Variants in GRIN2B observed in about 807,000 individuals in gnomAD.
GRIN2B encodes glutamate receptor ionotropic, NMDA 2B.
GRIN2B carries 5 observed loss-of-function variants against 114.5 expected under a neutral mutation model. The observed-to-expected ratio is 0.04, with a 90% CI of 0.02 to 0.09. The LOEUF (loss-of-function observed/expected upper bound fraction) is 0.09, where lower values mean the gene tolerates loss of function less well. GRIN2B is among the 10% of genes least tolerant of loss of function. GRIN2B has a pLI of 1.00. For missense variants in GRIN2B, 1,108 were observed against 1,943.5 expected (o/e 0.57, Z 8.08); for synonymous variants, 787 against 745.1 (o/e 1.06, Z -0.92).
At chr12:13,729,056 T>C (rs1484420039) in intron 4 of GRIN2B, among the ~76,000 whole-genome samples, 1 of 152,224 alleles carries the variant, frequency 6.6e-6, no homozygotes, top group Non-Finnish European at 1.5e-5. Context: ...ACTTACGGTA[T>C]TGTGTCTCCA....
intron 3 of GRIN2B, among the ~76,000 whole-genome samples, chr12:13,780,617 G>T (rs1012420166): frequency 2.6e-5 from 4 of 152,188 alleles, no homozygotes; most frequent in Non-Finnish European, 5.9e-5. Context: ...GGAATGTAAA[G>T]AATCCAGTCT....
chr12:13,866,491 G>A (rs566759864), intron 2 of GRIN2B, among the ~76,000 whole-genome samples: 1 of 152,314 alleles, frequency 6.6e-6, no homozygotes, highest in East Asian at 1.9e-4. Context: ...CAGAGACAAA[G>A]GAGGAAAAGA....
At chr12:13,806,513 G>T (rs530959132) in intron 3 of GRIN2B, among the ~76,000 whole-genome samples, 1 of 152,024 alleles carries the variant, frequency 6.6e-6, no homozygotes. Context: ...TTGGCTTTTT[G>T]TATGTCTTCC....
chr12:13,567,381 CAAG>C, intron 12 of GRIN2B, 118 bp from the exon 13 acceptor site: 2 of 700,468 alleles, frequency 2.9e-6, no homozygotes, highest in Non-Finnish European at 5.0e-6. Flanking sequence ...GAAAAAGAGA[CAAG>C]GAGACAAAAA....
chr12:13,959,025 G>A (rs1169334192), intron 2 of GRIN2B, among the ~76,000 whole-genome samples: 5 of 152,072 alleles, frequency 3.3e-5, no homozygotes, highest in Non-Finnish European at 4.4e-5. Flanking sequence ...AAATACTAAG[G>A]GATTCTTCAT....
intron 3 of GRIN2B, among the ~76,000 whole-genome samples, chr12:13,806,838 A>AT (rs572467393): frequency 9.9e-5 from 15 of 151,742 alleles, no homozygotes; most frequent in African/African-American, 3.4e-4. Context: ...TTTCCCTAGT[A>AT]TTTTTTACAG....
At chr12:13,900,640 C>G (rs1161656321) in intron 2 of GRIN2B, among the ~76,000 whole-genome samples, 1 of 152,180 alleles carries the variant, frequency 6.6e-6, no homozygotes, top group African/African-American at 2.4e-5. Context: ...AGGAAACCCC[C>G]ATTGAGTACT....
At position 13,569,969 on chromosome 12, in the gene GRIN2B, T is replaced by G. The variant is rs1378709745; in HGVS notation, c.2220A>C (p.Ala740=). ...IYDAAVLNYM[A]GRDEGCKLVT... ...CCAGCTTGCAGCCTTCATCTCTGCC[T>G]GCCATATAGTTCAGCACTGCTGCAT... The change falls in exon 12 of 14, where the codon GCA becomes GCC. Residue 740 remains alanine, a synonymous_variant. Transcript: ENST00000609686. The G allele has an allele frequency of 1.2e-6, 2 of 1,613,132 alleles. No homozygotes were observed. The highest frequency in any genetic ancestry group is 2.7e-5 in the African/African-American group (2 of 74,908).
intron 5 of GRIN2B, among the ~76,000 whole-genome samples, chr12:13,667,213 T>C (rs1284124452): frequency 1.3e-5 from 2 of 152,270 alleles, no homozygotes; most frequent in East Asian, 3.9e-4. Context: ...TTCTCTGTGA[T>C]GTAACTACCA....
intron 3 of GRIN2B, among the ~76,000 whole-genome samples, chr12:13,790,199 G>A (rs1301230046): frequency 6.6e-6 from 1 of 152,106 alleles, no homozygotes; most frequent in Non-Finnish European, 1.5e-5. Context: ...AAATCTCTAA[G>A]CCTTCGGCCT....
intron 2 of GRIN2B, among the ~76,000 whole-genome samples, chr12:13,956,783 T>C (rs1867600523): frequency 6.6e-6 from 1 of 152,180 alleles, no homozygotes; most frequent in African/African-American, 2.4e-5. Context: ...ATGAATAGCA[T>C]CCATGTCCCT....
At chr12:13,914,206 C>G (rs1866672251) in intron 2 of GRIN2B, among the ~76,000 whole-genome samples, 1 of 152,046 alleles carries the variant, frequency 6.6e-6, no homozygotes, top group South Asian at 2.1e-4. Context: ...CACTACTGGT[C>G]CCCTGCCTAC....
intron 5 of GRIN2B, among the ~76,000 whole-genome samples, chr12:13,668,888 G>A (rs914423150): frequency 6.6e-6 from 1 of 151,070 alleles, no homozygotes; most frequent in African/African-American, 2.4e-5. Context: ...ATAATTATGT[G>A]TGAGAAGGAA....
chr12:13,820,071 T>G (rs1359334433), intron 3 of GRIN2B, among the ~76,000 whole-genome samples: 1 of 152,158 alleles, frequency 6.6e-6, no homozygotes, highest in Non-Finnish European at 1.5e-5. Flanking sequence ...TTATCTCTGA[T>G]CAACTAAGCT....
At chr12:13,908,395 T>C (rs1565582856) in intron 2 of GRIN2B, among the ~76,000 whole-genome samples, 1 of 152,202 alleles carries the variant, frequency 6.6e-6, no homozygotes, top group Non-Finnish European at 1.5e-5. Flanking sequence ...TTAGCTGATG[T>C]ATGGCATCAG....
At chr12:13,867,368 C>T (rs901415672) in intron 2 of GRIN2B, among the ~76,000 whole-genome samples, 2 of 152,158 alleles carry the variant, frequency 1.3e-5, no homozygotes, top group South Asian at 2.1e-4. Context: ...CCATCTCTCT[C>T]TATGCTTCTC....
intron 5 of GRIN2B, among the ~76,000 whole-genome samples, chr12:13,669,179 T>C (rs959421148): frequency 6.6e-6 from 1 of 152,064 alleles, no homozygotes; most frequent in African/African-American, 2.4e-5. Flanking sequence ...CACTTCTCTC[T>C]GTTAAGAAAT....
chr12:13,558,861 AG>A lies in GRIN2B; in HGVS notation c.*3921del, dbSNP rs148288637. 6.6e-6 allele frequency: 1 copy of A among 152,362 alleles called. No individual in the cohort carries two copies. Among genetic ancestry groups the A allele is most frequent in the East Asian group, 1.9e-4 (1 of 5,188 alleles). The allele number at this position is 152,362 out of a possible 1,614,324, so 9.4% of individuals were successfully genotyped here. ...CAAAGTCTCGACTCAGGCAAATTCA[AG>A]GGTCAGATTATTGTCAGTGGAAATG... On this transcript the variant is annotated 3_prime_UTR_variant, in exon 14 of 14. Transcript: ENST00000609686.
intron 4 of GRIN2B, among the ~76,000 whole-genome samples, chr12:13,720,017 G>C (rs1302992531): frequency 6.6e-6 from 1 of 152,050 alleles, no homozygotes; most frequent in African/African-American, 2.4e-5. Flanking sequence ...GGGAAAGGTT[G>C]GCCCCAGGGA....
Sources: gnomAD v4.1 joint callset for allele counts (sites outside exome capture counted in the v4.1 genomes callset) on GRCh38, gnomAD v4.1.1 for gene constraint, MANE v1.5 for transcripts, NCBI Gene and HGNC (gene_info 2026-07-23, HGNC 2026-07-21) for gene names.